The following NRG1 variants were observed in gnomAD, a reference collection of about 807,000 sequenced individuals.
The protein encoded by NRG1 is pro-neuregulin-1, membrane-bound isoform.
Under a neutral mutation model 63.8 loss-of-function variants are expected in NRG1, and 18 were observed. The ratio of observed to expected loss-of-function variants is 0.28; its 90% CI spans 0.19 to 0.42. The LOEUF is 0.42. Among genes scored for constraint, NRG1 ranks in the 10% least tolerant of loss-of-function variants. The pLI is 1.00. For synonymous variants in NRG1, 302 were observed against 301.3 expected, an observed-to-expected ratio of 1.00 and a Z score of -0.02; for missense variants, 762 against 814.7, an observed-to-expected ratio of 0.94 and a Z score of 0.79.
exon 12 of NRG1, chr8:32,764,546 T>C (rs1831268845): frequency 4.1e-6 from 3 of 740,058 alleles, no homozygotes; most frequent in South Asian, 2.9e-5. Context: ...AATATATGTA[T>C]GTAAAAATGT....
At chr8:32,216,336 G>A (rs1044799216) in intron 1 of NRG1, among the ~76,000 whole-genome samples, 2 of 149,360 alleles carry the variant, frequency 1.3e-5, no homozygotes, top group African/African-American at 4.9e-5. Flanking sequence ...GTTATTATTT[G>A]TCTCTGACAG....
chr8:31,740,038 T>A (rs1429977696), intron 1 of NRG1, among the ~76,000 whole-genome samples: 11 of 152,070 alleles, frequency 7.2e-5, no homozygotes, highest in Non-Finnish European at 1.5e-4. Context: ...TAGCTATAAA[T>A]GTTTTAGGCT....
intron 1 of NRG1, among the ~76,000 whole-genome samples, chr8:31,670,141 G>A (rs1806971994): frequency 6.6e-6 from 1 of 152,052 alleles, no homozygotes; most frequent in South Asian, 2.1e-4. Flanking sequence ...CCTTCCCCCA[G>A]CCAGCTTTCA....
intron 1 of NRG1, among the ~76,000 whole-genome samples, chr8:32,001,730 A>G (rs1451112730): frequency 3.3e-5 from 5 of 152,006 alleles, no homozygotes; most frequent in Non-Finnish European, 5.9e-5. Flanking sequence ...TAGCAGGGAT[A>G]CTGATGTTTT....
chr8:31,957,282 A>G (rs997398091), intron 1 of NRG1, among the ~76,000 whole-genome samples: 6 of 151,826 alleles, frequency 4.0e-5, no homozygotes, highest in Non-Finnish European at 7.4e-5. Flanking sequence ...TTACTGTAAC[A>G]CACACATACC....
chr8:32,143,568 T>G lies in NRG1; in HGVS notation c.38-452260T>G, dbSNP rs148304848. Among the ~76,000 whole-genome samples the G allele has an allele frequency of 3.3e-3, 505 of 152,286 alleles. 2 individuals are homozygous for G. The highest frequency in any genetic ancestry group is 6.0e-3 in the Non-Finnish European group (406 of 68,028). ...TGAAATAAATTACAGTGACATAAAC[T>G]ATGTTCTTCATCAAATGCTGGACAA... On this transcript the variant is annotated intron_variant, in intron 1 of 10. Coordinates refer to the NRG1 transcript ENST00000519301.
intron 1 of NRG1, among the ~76,000 whole-genome samples, chr8:31,917,025 G>C (rs1054629327): frequency 2.6e-5 from 4 of 151,562 alleles, no homozygotes; most frequent in African/African-American, 9.7e-5. Flanking sequence ...GTCTGTTCAT[G>C]TCCTTCGCCC....
At position 32,412,423 on chromosome 8, in the gene NRG1, C is replaced by T. The variant is rs71506528; in HGVS notation, c.38-183405C>T. Among the ~76,000 whole-genome samples the T allele has an allele frequency of 6.8e-4, 63 of 92,940 alleles. 1 individual carries two copies. Among genetic ancestry groups the T allele is most frequent in the Non-Finnish European group, 1.0e-3 (48 of 46,666 alleles). 61.0% of individuals were successfully genotyped at this position (92,940 alleles called of 152,430 possible). A position where few individuals can be genotyped will look rare whatever the true frequency, so the allele number is the denominator to read the frequency against. ...TCCTCTCTCTCTCTCTCTCTCTCTA[C>T]ATATATATATATATATATATATATA... On this transcript the variant is annotated intron_variant, in intron 1 of 10. Transcript: ENST00000519301.
At chr8:31,897,561 G>C (rs1030225924) in intron 1 of NRG1, among the ~76,000 whole-genome samples, 1 of 152,084 alleles carries the variant, frequency 6.6e-6, no homozygotes. Context: ...ACTCTGATAA[G>C]AAACATTTAC....
chr8:32,317,894 T>A (rs1474158801), intron 1 of NRG1, among the ~76,000 whole-genome samples: 1 of 152,114 alleles, frequency 6.6e-6, no homozygotes, highest in South Asian at 2.1e-4. Flanking sequence ...GGGTGCTATG[T>A]GGATATAATT....
exon 12 of NRG1, chr8:32,764,234 T>C (rs1831217079): frequency 6.2e-7 from 1 of 1,614,096 alleles, no homozygotes; most frequent in South Asian, 1.1e-5. Context: ...TAGGTGAAGA[T>C]ACGCCTTTCC....
At chr8:32,432,233 A>C (rs1385170148) in intron 1 of NRG1, among the ~76,000 whole-genome samples, 1 of 152,176 alleles carries the variant, frequency 6.6e-6, no homozygotes. Flanking sequence ...TAGAGGATAA[A>C]AGGATAGTCA....
chr8:32,093,223 T>C (rs1039924541), intron 1 of NRG1, among the ~76,000 whole-genome samples: 2 of 152,084 alleles, frequency 1.3e-5, no homozygotes, highest in African/African-American at 4.8e-5. Context: ...TGACTCAAAG[T>C]TTAATGGATT....
chr8:32,244,866 GA>G (rs1848458307), intron 1 of NRG1, among the ~76,000 whole-genome samples: 1 of 152,168 alleles, frequency 6.6e-6, no homozygotes, highest in Non-Finnish European at 1.5e-5. Context: ...TATTTAAAAT[GA>G]AAAACATTAA....
At chr8:31,838,123 G>A (rs146772312) in intron 1 of NRG1, among the ~76,000 whole-genome samples, 10 of 151,910 alleles carry the variant, frequency 6.6e-5, no homozygotes, top group African/African-American at 2.2e-4. Context: ...TTACATCCTC[G>A]CCAGCATAAT....
At chr8:31,815,076 A>C (rs1823304448) in intron 1 of NRG1, among the ~76,000 whole-genome samples, 1 of 152,038 alleles carries the variant, frequency 6.6e-6, no homozygotes, top group South Asian at 2.1e-4. Context: ...AATTTTTTTC[A>C]TTGTATGAAA....
chr8:32,625,774 CT>C (rs67043970), intron 5 of NRG1, among the ~76,000 whole-genome samples: 15,018 of 128,606 alleles, frequency 0.12, 1,513 homozygotes, highest in East Asian at 0.51. Context: ...CTTTCCCTCT[CT>C]TTTTTTTTTT....
chr8:32,510,847 A>T (rs545418188), intron 1 of NRG1, among the ~76,000 whole-genome samples: 1 of 152,016 alleles, frequency 6.6e-6, no homozygotes, highest in East Asian at 2.0e-4. Context: ...CCAAAAAAGT[A>T]AAAAACAGGT....
intron 1 of NRG1, among the ~76,000 whole-genome samples, chr8:31,678,511 C>G (rs1381365262): frequency 6.6e-6 from 1 of 151,678 alleles, no homozygotes; most frequent in East Asian, 1.9e-4. Flanking sequence ...TAGTTTTTTC[C>G]TCTTTACCTA....
Sources: gnomAD v4.1 joint callset for allele counts (sites outside exome capture counted in the v4.1 genomes callset) on GRCh38, gnomAD v4.1.1 for gene constraint, MANE v1.5 for transcripts, NCBI Gene and HGNC (gene_info 2026-07-23, HGNC 2026-07-21) for gene names.